The following PHLPP2 variants were observed in gnomAD, a reference collection of about 807,000 sequenced individuals.
PHLPP2 encodes PH domain and leucine rich repeat protein phosphatase 2, also known as PH domain leucine-rich repeat-containing protein phosphatase 2.
Under a neutral mutation model 124.9 loss-of-function variants are expected in PHLPP2, and 66 were observed. The ratio of observed to expected loss-of-function variants is 0.53; its 90% CI spans 0.43 to 0.65. PHLPP2 has a LOEUF of 0.65. Among genes scored for constraint, PHLPP2 ranks in the 30% least tolerant of loss-of-function variants. The pLI is 0.00. For missense variants in PHLPP2, 1,685 were observed against 1,600.4 expected (o/e 1.05, Z -0.90); for synonymous variants, 681 against 624.7 (o/e 1.09, Z -1.34).
chr16:71,676,629 A>G lies in PHLPP2; in HGVS notation c.1289T>C (p.Met430Thr), dbSNP rs1010446855. ...VDLRMNHLKT[M>T]VIENLEGNKH... The stretch of plus-strand genomic sequence containing the variant: ...ATTTCCCTCCAGATTTTCAATAACC[A>G]TGGTTTTCAAATGGTTCATCCTTAA... The change falls in exon 9 of 19, where the codon ATG becomes ACG. Residue 430 changes from methionine (M) to threonine (T), a missense_variant. Physicochemically the swap from Met to Thr is moderately conservative, Grantham distance 81 (BLOSUM62 -1). Transcript: ENST00000568954. 1.2e-6 allele frequency: 2 copies of G among 1,613,078 alleles called. No individual in the cohort carries two copies. Among genetic ancestry groups the G allele is most frequent in the Non-Finnish European group, 8.5e-7 (1 of 1,179,112 alleles).
chr16:71,674,178 A>G (rs1298955086), intron 9 of PHLPP2, among the ~76,000 whole-genome samples: 2 of 151,922 alleles, frequency 1.3e-5, no homozygotes, highest in African/African-American at 4.8e-5. Context: ...CCGGGGTTCA[A>G]GCAATTCTCC....
chr16:71,713,460 T>A (rs2045336832), intron 2 of PHLPP2, among the ~76,000 whole-genome samples: 1 of 152,258 alleles, frequency 6.6e-6, no homozygotes, highest in South Asian at 2.1e-4. Context: ...ACCCAGCAGT[T>A]CCACTTCTAG....
chr16:71,714,950 G>T, intron 1 of PHLPP2, 149 bp from the exon 2 acceptor site: 3 of 940,576 alleles, frequency 3.2e-6, no homozygotes, highest in East Asian at 5.3e-5. Flanking sequence ...CATCTATCAT[G>T]CTCATTCGTA....
intron 8 of PHLPP2, chr16:71,677,402 G>A (rs1164044814): frequency 6.7e-6 from 1 of 149,624 alleles, no homozygotes; most frequent in Non-Finnish European, 1.5e-5. Context: ...TCTATCTCTA[G>A]AGCTAAGGTT....
At chr16:71,687,379 T>C (rs1312038874) in intron 4 of PHLPP2, among the ~76,000 whole-genome samples, 1 of 152,222 alleles carries the variant, frequency 6.6e-6, no homozygotes, top group African/African-American at 2.4e-5. Context: ...CCAGTTTTCT[T>C]TTGATTGCTA....
At chr16:71,699,295 G>C (rs1410478252) in intron 3 of PHLPP2, among the ~76,000 whole-genome samples, 1 of 152,072 alleles carries the variant, frequency 6.6e-6, no homozygotes, top group Admixed American at 6.5e-5. Flanking sequence ...GCTCTCTCCT[G>C]AATGGTTCTT....
At chr16:71,662,879 GT>G (rs57080952) in intron 13 of PHLPP2, among the ~76,000 whole-genome samples, 127,803 of 151,040 alleles carry the variant, frequency 0.85, 54,206 homozygotes, top group East Asian at 0.99. Context: ...TTCTAAAGTT[GT>G]TTTTTTTTTA....
intron 3 of PHLPP2, among the ~76,000 whole-genome samples, chr16:71,692,715 T>A (rs2045127165): frequency 6.6e-6 from 1 of 152,234 alleles, no homozygotes; most frequent in Non-Finnish European, 1.5e-5. Context: ...TATTTGCATA[T>A]AACCTACGCA....
At chr16:71,724,107 C>G (rs569334111) in intron 1 of PHLPP2, 1 of 153,578 alleles carries the variant, frequency 6.5e-6, no homozygotes, top group Non-Finnish European at 1.4e-5. Flanking sequence ...CTGGCACCAC[C>G]GCAGAGCGCT....
At chr16:71,673,510 T>C (rs1228362022) in intron 9 of PHLPP2, among the ~76,000 whole-genome samples, 1 of 152,172 alleles carries the variant, frequency 6.6e-6, no homozygotes, top group African/African-American at 2.4e-5. Context: ...GCATCAAAAC[T>C]GCAAGTTTTT....
chr16:71,675,330 C>T (rs1465048335), intron 9 of PHLPP2, among the ~76,000 whole-genome samples: 1 of 152,050 alleles, frequency 6.6e-6, no homozygotes, highest in Non-Finnish European at 1.5e-5. Flanking sequence ...CCTTTCCTTC[C>T]TTAAACACAT....
chr16:71,658,541 T>A lies in PHLPP2; in HGVS notation c.2148+112A>T, dbSNP rs564229673. 4 of 1,275,350 alleles carry A rather than the reference T, an allele frequency of 3.1e-6. No homozygotes were observed. In the East Asian group the frequency reaches 9.3e-5, roughly 30 times the overall value. 79.0% of individuals were successfully genotyped at this position (1,275,350 alleles called of 1,614,324 possible). A position where few individuals can be genotyped will look rare whatever the true frequency, so the allele number is the denominator to read the frequency against. ...AAGAAGACAATAATATTTTTCCTTATAAGAATAATCTCATTCACACTCCTT... is the reference window on the plus strand; with the variant it reads ...AAGAAGACAATAATATTTTTCCTTAAAAGAATAATCTCATTCACACTCCTT... On this transcript the variant is annotated intron_variant, in intron 14 of 18. Transcript: ENST00000568954.
chr16:71,654,590 T>C (rs1056598105), intron 17 of PHLPP2, among the ~76,000 whole-genome samples: 1 of 152,196 alleles, frequency 6.6e-6, no homozygotes, highest in Non-Finnish European at 1.5e-5. Flanking sequence ...TGTCACCACA[T>C]GATTTTGCCC....
intron 3 of PHLPP2, among the ~76,000 whole-genome samples, chr16:71,693,986 A>G (rs1270353654): frequency 6.6e-6 from 1 of 152,154 alleles, no homozygotes; most frequent in Non-Finnish European, 1.5e-5. Flanking sequence ...TGAGGCCAGG[A>G]GTTCAAGACC....
At chr16:71,682,137 T>TA (rs927864279) in intron 5 of PHLPP2, among the ~76,000 whole-genome samples, 10 of 149,496 alleles carry the variant, frequency 6.7e-5, no homozygotes, top group South Asian at 2.1e-4. Flanking sequence ...AGTACAAGGT[T>TA]AAAAAAAAAC....
At chr16:71,705,489 C>T (rs1567627811) in intron 2 of PHLPP2, among the ~76,000 whole-genome samples, 1 of 151,994 alleles carries the variant, frequency 6.6e-6, no homozygotes, top group African/African-American at 2.4e-5. Flanking sequence ...CCTCCTTACA[C>T]ATGTCTTTTT....
chr16:71,682,981 G>A (rs1401280863), intron 5 of PHLPP2, among the ~76,000 whole-genome samples: 1 of 152,122 alleles, frequency 6.6e-6, no homozygotes, highest in Non-Finnish European at 1.5e-5. Flanking sequence ...GACCAGCCTG[G>A]CCAACATGGT....
rs2044651318 is a variant in PHLPP2, at chr16:71,646,098, A to C, written c.*2792T>G. The C allele has an allele frequency of 1.3e-5, 2 of 152,654 alleles. No individual in the cohort carries two copies. Among genetic ancestry groups the C allele is most frequent in the African/African-American group, 4.8e-5 (2 of 41,458 alleles). 9.5% of individuals were successfully genotyped at this position (152,654 alleles called of 1,614,324 possible). On this transcript the variant is annotated 3_prime_UTR_variant, in exon 19 of 19. Coordinates refer to ENST00000568954, the MANE Select transcript of PHLPP2 (RefSeq NM_015020.3). Reference sequence around the variant, plus strand: ...CAACTGTACTCTGCCCACCTGGGGAACACATCCTCTGGGTAAAGTACTCGG... The same window carrying C: ...CAACTGTACTCTGCCCACCTGGGGACCACATCCTCTGGGTAAAGTACTCGG...
chr16:71,655,505 T>TC (rs1342378916), intron 16 of PHLPP2, 71 bp from the exon 17 acceptor site: 1 of 524,226 alleles, frequency 1.9e-6, no homozygotes, highest in East Asian at 6.5e-5. Flanking sequence ...GGAGCATTCT[T>TC]TTTTTTTTTT....
Sources: gnomAD v4.1 joint callset for allele counts (sites outside exome capture counted in the v4.1 genomes callset) on GRCh38, gnomAD v4.1.1 for gene constraint, MANE v1.5 for transcripts, NCBI Gene and HGNC (gene_info 2026-07-23, HGNC 2026-07-21) for gene names.